MACO1: variants seen among roughly 807,000 people sequenced by gnomAD.
The protein encoded by MACO1 is macoilin 1.
In MACO1, 14 loss-of-function variants were observed where a neutral mutation model predicts 78.7. The ratio of observed to expected loss-of-function variants is 0.18; its 90% CI spans 0.12 to 0.28. MACO1 has a LOEUF of 0.28. MACO1 is among the 10% of genes least tolerant of loss of function. MACO1 has a pLI of 1.00. For synonymous variants in MACO1, 288 were observed against 291.6 expected (o/e 0.99, Z 0.12); for missense variants, 501 against 799.0 (o/e 0.63, Z 4.50).
At chr1:25,480,253 G>T (rs2043359504) in intron 6 of MACO1, among the ~76,000 whole-genome samples, 1 of 152,154 alleles carries the variant, frequency 6.6e-6, no homozygotes, top group Non-Finnish European at 1.5e-5. Flanking sequence ...ATGTTATCCT[G>T]CATGCCATTA....
At chr1:25,477,648 G>A (rs1039622377) in intron 6 of MACO1, among the ~76,000 whole-genome samples, 2 of 152,140 alleles carry the variant, frequency 1.3e-5, no homozygotes, top group Non-Finnish European at 2.9e-5. Flanking sequence ...TGAAGTCTTG[G>A]CTGAGAAAAA....
intron 1 of MACO1, among the ~76,000 whole-genome samples, chr1:25,443,534 C>A (rs1156605726): frequency 6.6e-6 from 1 of 152,118 alleles, no homozygotes; most frequent in Non-Finnish European, 1.5e-5. Flanking sequence ...GGTATGAAAG[C>A]AGTTGTTTGA....
At chr1:25,476,297 G>A (rs1025551972) in intron 6 of MACO1, among the ~76,000 whole-genome samples, 2 of 152,184 alleles carry the variant, frequency 1.3e-5, no homozygotes, top group Admixed American at 6.5e-5. Context: ...ACAGATTATG[G>A]AGCAGAGACA....
At chr1:25,493,128 A>T (rs971983360) in intron 10 of MACO1, among the ~76,000 whole-genome samples, 4 of 152,172 alleles carry the variant, frequency 2.6e-5, no homozygotes, top group Admixed American at 2.6e-4. Flanking sequence ...TGGTGTGTGA[A>T]CTTTTGTCTT....
chr1:25,439,387 CTCTG>C (rs59036847), intron 1 of MACO1, among the ~76,000 whole-genome samples: 11,095 of 135,536 alleles, frequency 0.082, 1,330 homozygotes, highest in African/African-American at 0.26. Flanking sequence ...CAGAGTAAGA[CTCTG>C]TCTCTGAAAA....
chr1:25,449,746 C>T (rs2043048086), intron 3 of MACO1, among the ~76,000 whole-genome samples: 1 of 152,180 alleles, frequency 6.6e-6, no homozygotes, highest in African/African-American at 2.4e-5. Context: ...GGGCCAGGCG[C>T]AGTGGCTCAC....
intron 6 of MACO1, among the ~76,000 whole-genome samples, chr1:25,478,102 A>C (rs1228027143): frequency 1.3e-5 from 2 of 152,086 alleles, no homozygotes; most frequent in Non-Finnish European, 2.9e-5. Flanking sequence ...AACATTAGCC[A>C]GGCATGGTGG....
chr1:25,439,385 G>T (rs1035040670), intron 1 of MACO1, among the ~76,000 whole-genome samples: 16 of 134,320 alleles, frequency 1.2e-4, no homozygotes, highest in African/African-American at 4.8e-4. Context: ...GACAGAGTAA[G>T]ACTCTGTCTC....
At chr1:25,438,732 G>A (rs900514341) in intron 1 of MACO1, among the ~76,000 whole-genome samples, 6 of 152,028 alleles carry the variant, frequency 3.9e-5, no homozygotes, top group African/African-American at 7.2e-5. Flanking sequence ...GCGAAACCCC[G>A]TCTCTACTAA....
At chr1:25,474,681 A>G (rs972516553) in intron 6 of MACO1, among the ~76,000 whole-genome samples, 1 of 152,236 alleles carries the variant, frequency 6.6e-6, no homozygotes, top group Non-Finnish European at 1.5e-5. Context: ...TATACTGTGC[A>G]GAGAGCTGCT....
chr1:25,434,331 G>A (rs1312660995), intron 1 of MACO1, among the ~76,000 whole-genome samples: 2 of 152,172 alleles, frequency 1.3e-5, no homozygotes, highest in Non-Finnish European at 2.9e-5. Flanking sequence ...TGACAGAGTC[G>A]ACATTCAGTG....
intron 5 of MACO1, among the ~76,000 whole-genome samples, chr1:25,457,242 A>G (rs2124585201): frequency 6.6e-6 from 1 of 151,914 alleles, no homozygotes; most frequent in South Asian, 2.1e-4. Flanking sequence ...AGCAGCTGCT[A>G]CCATGGGCAC....
At chr1:25,459,071 C>G (rs1194168942) in intron 6 of MACO1, among the ~76,000 whole-genome samples, 179 bp downstream of exon 6, 1 of 152,194 alleles carries the variant, frequency 6.6e-6, no homozygotes, top group Non-Finnish European at 1.5e-5. Context: ...TTGATTTCAG[C>G]TCTTTGCAGT....
chr1:25,433,412 A>G (rs925176082), intron 1 of MACO1, among the ~76,000 whole-genome samples: 3 of 152,196 alleles, frequency 2.0e-5, no homozygotes, highest in Non-Finnish European at 4.4e-5. Flanking sequence ...CATCAAATTT[A>G]AGTCTATGCT....
At chr1:25,438,741 A>C (rs2042941555) in intron 1 of MACO1, among the ~76,000 whole-genome samples, 1 of 152,154 alleles carries the variant, frequency 6.6e-6, no homozygotes, top group South Asian at 2.1e-4. Flanking sequence ...CGTCTCTACT[A>C]AAAATATAAA....
intron 1 of MACO1, among the ~76,000 whole-genome samples, chr1:25,444,395 T>C (rs749446573): frequency 5.9e-5 from 9 of 152,050 alleles, no homozygotes; most frequent in Non-Finnish European, 1.2e-4. Context: ...CCACTGCTTC[T>C]AGCTATGCCA....
intron 3 of MACO1, among the ~76,000 whole-genome samples, chr1:25,453,742 T>C (rs1295619123): frequency 6.6e-6 from 1 of 151,658 alleles, no homozygotes; most frequent in African/African-American, 2.4e-5. Context: ...TACTGCCAAA[T>C]TGCTATCTAA....
At chr1:25,451,918 C>T (rs2043069947) in intron 3 of MACO1, among the ~76,000 whole-genome samples, 1 of 141,956 alleles carries the variant, frequency 7.0e-6, no homozygotes. Flanking sequence ...GGCGACAGAG[C>T]GAGACTCTGT....
In MACO1 at chr1:25,499,741, G is replaced by C. The variant is rs1161583590; in HGVS notation, c.*1275G>C. ...ATGCAAAATTGTATTTGGAAACTAG[G>C]AAAAATTAAGAAACCAAATAAATTG... On this transcript the variant is annotated 3_prime_UTR_variant, in exon 11 of 11. Transcript: ENST00000374343. The C allele has an allele frequency of 1.3e-5, 2 of 152,014 alleles. No individual in the cohort carries two copies. Among genetic ancestry groups the C allele is most frequent in the Non-Finnish European group, 2.9e-5 (2 of 67,998 alleles). The allele number at this position is 152,014 out of a possible 1,614,324, so 9.4% of individuals were successfully genotyped here. A position where few individuals can be genotyped will look rare whatever the true frequency, so the allele number is the denominator to read the frequency against.
Sources: allele counts gnomAD v4.1 joint callset (sites outside exome capture counted in the v4.1 genomes callset), GRCh38; gene constraint gnomAD v4.1.1; transcripts MANE v1.5; gene names NCBI Gene and HGNC (gene_info 2026-07-23, HGNC 2026-07-21).